KDM4C: variants seen among roughly 807,000 people sequenced by gnomAD.
KDM4C encodes the protein lysine-specific demethylase 4C.
Under a neutral mutation model 129.3 loss-of-function variants are expected in KDM4C, and 81 were observed. The ratio of observed to expected loss-of-function variants is 0.63; its 90% CI spans 0.52 to 0.75. The LOEUF (loss-of-function observed/expected upper bound fraction) is 0.75, where lower values mean the gene tolerates loss of function less well. KDM4C is among the 30% of genes least tolerant of loss of function. The probability of loss-of-function intolerance (pLI) is 0.00; values close to 1 mark genes in which losing one functional copy is unlikely to be tolerated. For missense variants in KDM4C, 1,457 were observed against 1,304.0 expected, an observed-to-expected ratio of 1.12 and a Z score of -1.81; for synonymous variants, 573 against 456.1, an observed-to-expected ratio of 1.26 and a Z score of -3.26.
At chr9:6,932,746 C>G (rs60853161) in intron 8 of KDM4C, among the ~76,000 whole-genome samples, 4 of 152,022 alleles carry the variant, frequency 2.6e-5, no homozygotes, top group African/African-American at 9.6e-5. Flanking sequence ...GACATTTGAC[C>G]ACGTTTAGGG....
chr9:6,784,269 A>C (rs556600545), intron 1 of KDM4C, among the ~76,000 whole-genome samples: 1 of 152,284 alleles, frequency 6.6e-6, no homozygotes, highest in East Asian at 1.9e-4. Context: ...GGCATGTGGG[A>C]GGGATTAAAA....
Position 6,849,549 on chromosome 9 carries a change from G to T in KDM4C, c.478G>T (p.Asp160Tyr). 1 of 1,612,942 alleles carries T rather than the reference G, an allele frequency of 6.2e-7. No homozygotes were observed. The highest frequency in any genetic ancestry group is 8.5e-7 in the Non-Finnish European group (1 of 1,179,176). ...WNIARLNTVL[D>Y]VVEEECGISI... is the part of the protein sequence containing the mutation. ...CATAGCTCGCCTCAATACAGTCTTG[G>T]ATGTGGTTGAAGAAGAGTGTGGCAT... The change falls in exon 5 of 22, where the codon GAT (aspartate) becomes TAT (tyrosine). Residue 160 changes from aspartate (D) to tyrosine (Y), a missense_variant. Physicochemically the swap from Asp to Tyr is radical, Grantham distance 160. Coordinates refer to ENST00000381309, the MANE Select transcript of KDM4C (RefSeq NM_015061.6).
At position 6,825,146 on chromosome 9, in the gene KDM4C, CAAA is replaced by C. The variant is rs776343731; in HGVS notation, c.435+10421_435+10423del. Among the ~76,000 whole-genome samples, 54 of 79,944 alleles carry C rather than the reference CAAA, an allele frequency of 6.8e-4. 1 individual carries two copies. In the South Asian group the frequency reaches 0.014, roughly 21 times the overall value. 52.4% of individuals were successfully genotyped at this position (79,944 alleles called of 152,430 possible). A position where few individuals can be genotyped will look rare whatever the true frequency, so the allele number is the denominator to read the frequency against. ...GGGCAACCAGAGTGAAACTCGGTCT[CAAA>C]AAAAAAAAAAAAAAAAAAAGATAGC... On this transcript the variant is annotated intron_variant, in intron 4 of 21. Transcript: ENST00000381309.
chr9:6,938,312 C>T (rs945390163), intron 8 of KDM4C, among the ~76,000 whole-genome samples: 6 of 152,114 alleles, frequency 3.9e-5, no homozygotes, highest in Admixed American at 3.3e-4. Flanking sequence ...GTATAAGCCC[C>T]ATTTCCAGGG....
intron 8 of KDM4C, among the ~76,000 whole-genome samples, chr9:6,922,402 C>T (rs1180619389): frequency 6.6e-6 from 1 of 151,986 alleles, no homozygotes; most frequent in Non-Finnish European, 1.5e-5. Flanking sequence ...CTGTTTTTTT[C>T]CCCCCCATTA....
chr9:7,133,638 T>C (rs1840880482), intron 19 of KDM4C, among the ~76,000 whole-genome samples: 1 of 152,212 alleles, frequency 6.6e-6, no homozygotes, highest in Admixed American at 6.5e-5. Flanking sequence ...TTAGAAGTTC[T>C]GCTCTTTGTG....
intron 19 of KDM4C, among the ~76,000 whole-genome samples, chr9:7,148,202 G>C (rs867583847): frequency 6.6e-6 from 1 of 152,244 alleles, no homozygotes; most frequent in Non-Finnish European, 1.5e-5. Flanking sequence ...GCTTGGAGAC[G>C]CCAGGAAGTG....
intron 15 of KDM4C, among the ~76,000 whole-genome samples, chr9:7,032,797 A>C (rs1358115543): frequency 6.6e-6 from 1 of 152,190 alleles, no homozygotes. Context: ...AATCCTGAAC[A>C]ATGTATTTGA....
At chr9:6,856,623 A>T (rs1262361237) in intron 5 of KDM4C, among the ~76,000 whole-genome samples, 5 of 146,286 alleles carry the variant, frequency 3.4e-5, no homozygotes, top group African/African-American at 1.3e-4. Flanking sequence ...TCCCGGGCTG[A>T]ATGCGGTGTT....
chr9:7,082,152 A>G (rs983706376), intron 17 of KDM4C, among the ~76,000 whole-genome samples: 10 of 132,386 alleles, frequency 7.6e-5, no homozygotes, highest in Admixed American at 7.2e-4. Context: ...GTGTCACTAC[A>G]GCCTCACATG....
chr9:6,768,556 A>AT (rs1232451656), intron 1 of KDM4C, among the ~76,000 whole-genome samples: 1 of 152,056 alleles, frequency 6.6e-6, no homozygotes, highest in Non-Finnish European at 1.5e-5. Flanking sequence ...CTATCATCTA[A>AT]TTTTTAGATT....
intron 8 of KDM4C, among the ~76,000 whole-genome samples, chr9:6,970,290 A>G (rs1254341730): frequency 2.0e-5 from 3 of 152,198 alleles, no homozygotes; most frequent in African/African-American, 7.2e-5. Context: ...TTAACCAGTG[A>G]TGAACATTGA....
At chr9:7,141,864 A>G (rs969491361) in intron 19 of KDM4C, among the ~76,000 whole-genome samples, 3 of 152,098 alleles carry the variant, frequency 2.0e-5, no homozygotes, top group African/African-American at 7.2e-5. Context: ...CCATGCCTCA[A>G]TGTGAGAAGA....
chr9:7,109,856 C>A (rs923716817), intron 18 of KDM4C, among the ~76,000 whole-genome samples: 25 of 152,106 alleles, frequency 1.6e-4, no homozygotes, highest in Non-Finnish European at 3.4e-4. Flanking sequence ...TGAATTATAA[C>A]CCCCATGTGT....
upstream of KDM4C, among the ~76,000 whole-genome samples, chr9:6,756,412 T>C (rs941464373): frequency 6.6e-6 from 1 of 152,208 alleles, no homozygotes; most frequent in Non-Finnish European, 1.5e-5. Flanking sequence ...GAGTATACGT[T>C]AGCCAAGTTC....
At chr9:6,792,733 A>G (rs1430149022) in intron 1 of KDM4C, among the ~76,000 whole-genome samples, 1 of 152,122 alleles carries the variant, frequency 6.6e-6, no homozygotes, top group East Asian at 1.9e-4. Flanking sequence ...GGCTAACAGT[A>G]TAGTCAGATC....
chr9:6,756,519 C>G (rs1032692583), upstream of KDM4C, among the ~76,000 whole-genome samples: 1 of 152,186 alleles, frequency 6.6e-6, no homozygotes, highest in South Asian at 2.1e-4. Flanking sequence ...GAGTTTGTGA[C>G]CAGCCTGGCC....
At chr9:7,134,899 T>TG (rs1841028132) in intron 19 of KDM4C, among the ~76,000 whole-genome samples, 1 of 152,216 alleles carries the variant, frequency 6.6e-6, no homozygotes, top group Non-Finnish European at 1.5e-5. Flanking sequence ...ACCTTGTGCC[T>TG]TTCACTGGGG....
chr9:6,811,070 C>T (rs934234025), intron 3 of KDM4C, among the ~76,000 whole-genome samples: 1 of 152,200 alleles, frequency 6.6e-6, no homozygotes, highest in Non-Finnish European at 1.5e-5. Flanking sequence ...TACTTGTCAA[C>T]ACAGAGCTGT....
Sources: gnomAD v4.1 joint callset for allele counts (sites outside exome capture counted in the v4.1 genomes callset) on GRCh38, gnomAD v4.1.1 for gene constraint, MANE v1.5 for transcripts, NCBI Gene and HGNC (gene_info 2026-07-23, HGNC 2026-07-21) for gene names.